Variants in ETV6 observed in about 807,000 individuals in gnomAD.
The protein encoded by ETV6 is transcription factor ETV6.
ETV6 carries 16 observed loss-of-function variants against 51.1 expected under a neutral mutation model. The ratio of observed to expected loss-of-function variants is 0.31; its 90% CI spans 0.21 to 0.48. The LOEUF (loss-of-function observed/expected upper bound fraction) is 0.48, where lower values mean the gene tolerates loss of function less well. Ranked by LOEUF, ETV6 falls within the 20% of genes least tolerant of loss-of-function variation. The pLI is 0.99. For missense variants in ETV6, 458 were observed against 594.8 expected (o/e 0.77, Z 2.39); for synonymous variants, 240 against 224.1 (o/e 1.07, Z -0.64).
intron 7 of ETV6, among the ~76,000 whole-genome samples, chr12:11,886,857 G>T (rs753354685): frequency 6.6e-6 from 1 of 152,140 alleles, no homozygotes; most frequent in Non-Finnish European, 1.5e-5. Context: ...ACTGCAGGTT[G>T]GTAGAAGTGA....
In ETV6 at chr12:11,893,651, T is replaced by C. The variant is rs961334051; in HGVS notation, c.*2605T>C. On this transcript the variant is annotated 3_prime_UTR_variant, in exon 8 of 8. Transcript: ENST00000396373. ...CCTAACAAACACATTTGCTTTCTTA[T>C]GGTTCAATGTACACAAACTGTTTTA... 1 of 231,056 alleles carries C rather than the reference T, an allele frequency of 4.3e-6. No homozygotes were observed. The highest frequency in any genetic ancestry group is 8.6e-6 in the Non-Finnish European group (1 of 116,820). 14.3% of individuals were successfully genotyped at this position (231,056 alleles called of 1,614,324 possible).
At chr12:11,727,403 C>T (rs1038241622) in intron 1 of ETV6, among the ~76,000 whole-genome samples, 2 of 152,226 alleles carry the variant, frequency 1.3e-5, no homozygotes, top group Non-Finnish European at 2.9e-5. Flanking sequence ...GTGGTGGCAG[C>T]GTGCCTGGGA....
chr12:11,688,099 T>C (rs1479824042), intron 1 of ETV6, among the ~76,000 whole-genome samples: 2 of 133,764 alleles, frequency 1.5e-5, no homozygotes, highest in African/African-American at 5.1e-5. Flanking sequence ...GAGTCTGGGC[T>C]GCCTGTTAGA....
rs1946844860 is a variant in ETV6, at chr12:11,869,530, C to T, written c.570C>T (p.His190=). 3 of 1,614,180 alleles carry T rather than the reference C, an allele frequency of 1.9e-6. No homozygotes were observed. In the East Asian group the frequency reaches 6.7e-5, roughly 36 times the overall value. ...CCAGGTCACCTATCACGACAAATCACCGGCCTTCTCCTGACCCCGAGCAGC... is the reference window on the plus strand; with the variant it reads ...CCAGGTCACCTATCACGACAAATCATCGGCCTTCTCCTGACCCCGAGCAGC... ...HRSRSPITTN[H]RPSPDPEQRP... Residue 190 remains histidine (H), a synonymous_variant, in exon 5 of 8, where the codon CAC becomes CAT. Coordinates refer to ENST00000396373, the MANE Select transcript of ETV6 (RefSeq NM_001987.5). This position sits in a 1 kb window ranked among gnomAD's most constrained non-coding sequence, Gnocchi z 5.0.
chr12:11,847,888 G>A (rs774056739), intron 3 of ETV6, among the ~76,000 whole-genome samples: 57 of 152,188 alleles, frequency 3.7e-4, no homozygotes, highest in Non-Finnish European at 6.5e-4. Flanking sequence ...AAGCTAAAGG[G>A]AAGAAACCCA....
intron 1 of ETV6, among the ~76,000 whole-genome samples, chr12:11,678,492 C>T (rs1864463632): frequency 6.6e-6 from 1 of 152,162 alleles, no homozygotes; most frequent in African/African-American, 2.4e-5. Context: ...ATTTCCTTTC[C>T]CTTTGCAGGA....
In ETV6 at chr12:11,893,971, C is replaced by T. The variant is rs185362936; in HGVS notation, c.*2925C>T. 28 of 221,816 alleles carry T rather than the reference C, an allele frequency of 1.3e-4. No individual in the cohort carries two copies. The highest frequency in any genetic ancestry group is 6.0e-4 in the East Asian group (9 of 15,108). 13.7% of individuals were successfully genotyped at this position (221,816 alleles called of 1,614,324 possible). A position where few individuals can be genotyped will look rare whatever the true frequency, so the allele number is the denominator to read the frequency against. ...CAATCTGTACTACCAATAAGGATTT[C>T]GTAATTCCCCTAACTGCAAATGTCC... On this transcript the variant is annotated 3_prime_UTR_variant, in exon 8 of 8. Coordinates refer to ENST00000396373, the MANE Select transcript of ETV6 (RefSeq NM_001987.5).
intron 1 of ETV6, among the ~76,000 whole-genome samples, chr12:11,750,644 C>A (rs907768228): frequency 6.6e-6 from 1 of 152,054 alleles, no homozygotes; most frequent in Non-Finnish European, 1.5e-5. Context: ...GATATCTAGA[C>A]ATATAGTGGG....
At chr12:11,850,662 T>TA (rs1192064119) in intron 3 of ETV6, among the ~76,000 whole-genome samples, 1 of 152,214 alleles carries the variant, frequency 6.6e-6, no homozygotes, top group African/African-American at 2.4e-5. Flanking sequence ...ATTGAATCGT[T>TA]ACAACGATCT....
chr12:11,693,846 A>G (rs753127418), intron 1 of ETV6, among the ~76,000 whole-genome samples: 1 of 152,102 alleles, frequency 6.6e-6, no homozygotes, highest in Non-Finnish European at 1.5e-5. Context: ...CAGAGACTCT[A>G]TGGCTAGCAG....
At chr12:11,890,886 G>A in intron 7 of ETV6, 55 bp from the exon 8 acceptor site, 7 of 1,360,322 alleles carry the variant, frequency 5.1e-6, no homozygotes, top group South Asian at 1.2e-5. Flanking sequence ...AGTTCAGAGT[G>A]AAGACAGCTT....
intron 1 of ETV6, among the ~76,000 whole-genome samples, chr12:11,699,695 T>C (rs914750876): frequency 1.3e-5 from 2 of 152,066 alleles, no homozygotes; most frequent in African/African-American, 4.8e-5. Context: ...GTAAAGAGGA[T>C]AGGAAAATGC....
chr12:11,652,115 G>A (rs907487979), intron 1 of ETV6, among the ~76,000 whole-genome samples: 3 of 151,952 alleles, frequency 2.0e-5, no homozygotes, highest in Non-Finnish European at 4.4e-5. Flanking sequence ...GTTCTTTCAG[G>A]GTGCCTCTTT....
chr12:11,861,885 A>G lies in ETV6; in HGVS notation c.464-7539A>G, dbSNP rs569630675. On this transcript the variant is annotated intron_variant, in intron 4 of 7. Transcript: ENST00000396373. ...ACCTAATTGACTTATTGGAAATCCA[A>G]TCCTTTGATTTTTTAATTCACTTCT... 2.6e-5 allele frequency among the ~76,000 whole-genome samples: 4 copies of G among 152,250 alleles called. No homozygotes were observed. In the South Asian group the frequency reaches 6.2e-4, roughly 24 times the overall value.
chr12:11,669,356 G>GTGCTCCCT (rs1864260286), intron 1 of ETV6, among the ~76,000 whole-genome samples: 1 of 116,962 alleles, frequency 8.5e-6, no homozygotes, highest in Non-Finnish European at 1.6e-5. Flanking sequence ...CCGTCCTCCT[G>GTGCTCCCT]TCCTCCCTTC....
At chr12:11,777,722 T>G (rs1591666758) in intron 2 of ETV6, among the ~76,000 whole-genome samples, 1 of 152,108 alleles carries the variant, frequency 6.6e-6, no homozygotes, top group African/African-American at 2.4e-5. Context: ...TACAACACAC[T>G]TCTTCATTCC....
intron 7 of ETV6, among the ~76,000 whole-genome samples, chr12:11,888,396 TTC>T (rs1426907879): frequency 0.021 from 476 of 22,704 alleles, 3 homozygotes; most frequent in East Asian, 0.043. Flanking sequence ...TTCTTTTCTT[TTC>T]TTTTTTTTTT....
At position 11,869,737 on chromosome 12, in the gene ETV6, G is replaced by A. The variant is rs1205133551; in HGVS notation, c.777G>A (p.Arg259=). Residue 259 remains arginine, a synonymous_variant, in exon 5 of 8, where the codon CGG becomes CGA. Coordinates refer to ENST00000396373, the MANE Select transcript of ETV6 (RefSeq NM_001987.5). The surrounding 1 kb of genome is among the most constrained non-coding windows in gnomAD (Gnocchi z 5.0). ...SESHPKPSSP[R]QESTRVIQLM... is the part of the protein sequence containing the mutation. The stretch of plus-strand genomic sequence containing the variant: ...CCCACCCGAAGCCATCCAGCCCCCG[G>A]CAGGAGAGCACACGCGTGATCCAGC... The A allele has an allele frequency of 1.9e-6, 3 of 1,613,750 alleles. No homozygotes were observed. Among genetic ancestry groups the A allele is most frequent in the Non-Finnish European group, 2.5e-6 (3 of 1,180,018 alleles).
intron 1 of ETV6, among the ~76,000 whole-genome samples, chr12:11,749,345 ACACAC>A (rs1865975754): frequency 7.8e-6 from 1 of 127,558 alleles, no homozygotes. Flanking sequence ...ACACACACAC[ACACAC>A]CCCTACTCCC....
Sources: gnomAD v4.1 joint callset for allele counts (sites outside exome capture counted in the v4.1 genomes callset) on GRCh38, gnomAD v4.1.1 for gene constraint, Gnocchi (gnomAD v3.1) non-coding constraint, MANE v1.5 for transcripts, NCBI Gene and HGNC (gene_info 2026-07-23, HGNC 2026-07-21) for gene names.